EXOC4: variants seen among roughly 807,000 people sequenced by gnomAD.
EXOC4 encodes the protein exocyst complex component 4.
A neutral mutation model predicts 107.2 loss-of-function variants in EXOC4; 71 were observed. The ratio of observed to expected loss-of-function variants is 0.66; its 90% CI spans 0.55 to 0.81. The LOEUF is 0.81. Among genes scored for constraint, EXOC4 ranks in the 30% least tolerant of loss-of-function variants. The probability of loss-of-function intolerance (pLI) is 0.00; values close to 1 mark genes in which losing one functional copy is unlikely to be tolerated. For synonymous variants in EXOC4, 456 were observed against 441.2 expected, an observed-to-expected ratio of 1.03 and a Z score of -0.42; for missense variants, 1,108 against 1,189.6, an observed-to-expected ratio of 0.93 and a Z score of 1.01.
rs552452252 is a variant in EXOC4 at position 133,732,000 on chromosome 7, A to C, written c.1515-85325A>C. Among the ~76,000 whole-genome samples, 14 of 152,326 alleles carry C rather than the reference A, an allele frequency of 9.2e-5. 1 individual carries two copies. The South Asian group carries it at 2.3e-3, about 25-fold the overall frequency. On this transcript the variant is annotated intron_variant, in intron 10 of 17. Coordinates refer to ENST00000253861, the MANE Select transcript of EXOC4 (RefSeq NM_021807.4). ...TAAAGATGCATGCATACGTATGTTC[A>C]CTGAAGCACTATTCACAATAGCAAA...
chr7:134,056,021 G>A (rs189000936), intron 17 of EXOC4, among the ~76,000 whole-genome samples: 23 of 152,214 alleles, frequency 1.5e-4, no homozygotes, highest in East Asian at 1.3e-3. Context: ...TGAAAAAGCC[G>A]TAGGGCCTCT....
chr7:133,630,827 T>C (rs1802573897), intron 10 of EXOC4, among the ~76,000 whole-genome samples: 1 of 152,148 alleles, frequency 6.6e-6, no homozygotes, highest in South Asian at 2.1e-4. Context: ...CAGTTCATTG[T>C]GATAACATGA....
chr7:134,095,379 A>C, the EXOC4 span, among the ~76,000 whole-genome samples: 1 of 152,224 alleles, frequency 6.6e-6, no homozygotes, highest in Non-Finnish European at 1.5e-5. Context: ...CAATGTTATT[A>C]AAATGGCCAT....
intron 7 of EXOC4, among the ~76,000 whole-genome samples, chr7:133,463,574 C>T (rs1322669655): frequency 6.6e-6 from 1 of 152,134 alleles, no homozygotes; most frequent in East Asian, 1.9e-4. Context: ...GGATATTTTA[C>T]TTCCTAATTG....
At chr7:133,591,382 T>C (rs1438592177) in intron 9 of EXOC4, among the ~76,000 whole-genome samples, 1 of 152,208 alleles carries the variant, frequency 6.6e-6, no homozygotes, top group East Asian at 1.9e-4. Flanking sequence ...ACAGAATTCA[T>C]GTTGCCCTGT....
intron 17 of EXOC4, among the ~76,000 whole-genome samples, chr7:134,020,861 C>CTG (rs2116421744): frequency 6.6e-6 from 1 of 152,184 alleles, no homozygotes; most frequent in African/African-American, 2.4e-5. Flanking sequence ...TGGCAGGTGC[C>CTG]TGTAGTCCCA....
intron 14 of EXOC4, among the ~76,000 whole-genome samples, chr7:133,959,369 CAAG>C (rs1485207206): frequency 2.0e-5 from 3 of 151,142 alleles, no homozygotes; most frequent in Non-Finnish European, 4.4e-5. Flanking sequence ...TTTCAGAAAA[CAAG>C]AACTCTTAGA....
At chr7:133,614,459 G>C (rs1005360085) in intron 9 of EXOC4, among the ~76,000 whole-genome samples, 4 of 151,988 alleles carry the variant, frequency 2.6e-5, no homozygotes, top group Admixed American at 2.0e-4. Context: ...TCAGAACTCC[G>C]TAAGTTCAAC....
intron 17 of EXOC4, among the ~76,000 whole-genome samples, chr7:134,029,898 CTGCT>C (rs1795231181): frequency 6.6e-6 from 1 of 152,178 alleles, no homozygotes; most frequent in African/African-American, 2.4e-5. Flanking sequence ...CTTCTCTCCA[CTGCT>C]TTCTAAAATG....
chr7:133,673,094 T>A (rs1793982986), intron 10 of EXOC4, among the ~76,000 whole-genome samples: 1 of 152,190 alleles, frequency 6.6e-6, no homozygotes, highest in African/African-American at 2.4e-5. Context: ...TTCCAGGGCT[T>A]ATTTTAGAGG....
chr7:133,886,233 T>C (rs1799083221), intron 11 of EXOC4, among the ~76,000 whole-genome samples: 1 of 152,222 alleles, frequency 6.6e-6, no homozygotes, highest in Non-Finnish European at 1.5e-5. Context: ...TAAAGGTTTC[T>C]GAAGTCCTCC....
At chr7:133,427,345 G>A (rs914963706) in intron 7 of EXOC4, among the ~76,000 whole-genome samples, 2 of 152,084 alleles carry the variant, frequency 1.3e-5, no homozygotes, top group African/African-American at 4.8e-5. Context: ...TAAGGCTCAG[G>A]CATTGACATC....
chr7:133,560,743 G>A (rs1179548662), intron 9 of EXOC4, among the ~76,000 whole-genome samples: 1 of 152,094 alleles, frequency 6.6e-6, no homozygotes, highest in Non-Finnish European at 1.5e-5. Context: ...AATTTAGAAA[G>A]CAAAGATGAG....
At chr7:133,709,112 T>G (rs1409182311) in intron 10 of EXOC4, among the ~76,000 whole-genome samples, 3 of 152,208 alleles carry the variant, frequency 2.0e-5, no homozygotes, top group African/African-American at 7.2e-5. Flanking sequence ...AGCAGGAAGA[T>G]TTGTAATGGG....
intron 11 of EXOC4, among the ~76,000 whole-genome samples, chr7:133,818,954 G>A (rs1329873371): frequency 6.6e-6 from 1 of 152,126 alleles, no homozygotes; most frequent in African/African-American, 2.4e-5. Context: ...CCGATAGGCA[G>A]CACAAGTAGA....
At chr7:133,515,294 A>G (rs1424250294) in intron 9 of EXOC4, among the ~76,000 whole-genome samples, 2 of 151,742 alleles carry the variant, frequency 1.3e-5, no homozygotes, top group Admixed American at 1.3e-4. Context: ...ATATCTTCCA[A>G]CCATGGAGAT....
At chr7:133,271,780 G>T (rs10263688) in intron 1 of EXOC4, among the ~76,000 whole-genome samples, 1 of 151,932 alleles carries the variant, frequency 6.6e-6, no homozygotes, top group Non-Finnish European at 1.5e-5. Context: ...TTTTGGACTT[G>T]AGGAGCTCTA....
At position 133,800,821 on chromosome 7, in the gene EXOC4, G is replaced by A. The variant is rs1796925085; in HGVS notation, c.1515-16504G>A. Among the ~76,000 whole-genome samples the A allele has an allele frequency of 1.3e-5, 2 of 152,184 alleles. 1 individual carries two copies. The highest frequency in any genetic ancestry group is 4.1e-4 in the South Asian group (2 of 4,830). ...CAATAACGATACTATAAAGTGTCAA[G>A]CATACATAAATTCTCAAATCTGAGC... On this transcript the variant is annotated intron_variant, in intron 10 of 17. Transcript: ENST00000253861.
At chr7:133,422,732 G>T (rs1797634229) in intron 7 of EXOC4, among the ~76,000 whole-genome samples, 1 of 152,168 alleles carries the variant, frequency 6.6e-6, no homozygotes, top group African/African-American at 2.4e-5. Context: ...ATCCCTTGGG[G>T]ATTTGTGGAG....
Sources: allele counts gnomAD v4.1 joint callset (sites outside exome capture counted in the v4.1 genomes callset), GRCh38; gene constraint gnomAD v4.1.1; transcripts MANE v1.5; gene names NCBI Gene and HGNC (gene_info 2026-07-23, HGNC 2026-07-21).